TRIM2: variants seen among roughly 807,000 people sequenced by gnomAD.
TRIM2 encodes tripartite motif containing 2.
TRIM2 carries 20 observed loss-of-function variants against 75.2 expected under a neutral mutation model. That is an observed-to-expected ratio of 0.27 (90% confidence interval 0.19 to 0.39). The LOEUF is 0.39. Ranked by LOEUF, TRIM2 falls within the 10% of genes least tolerant of loss-of-function variation. The pLI is 1.00. For missense variants in TRIM2, 660 were observed against 990.8 expected, an observed-to-expected ratio of 0.67 and a Z score of 4.48; for synonymous variants, 373 against 388.3, an observed-to-expected ratio of 0.96 and a Z score of 0.46.
chr4:153,168,675 T>C (rs892545129), intron 1 of TRIM2, among the ~76,000 whole-genome samples: 8 of 148,474 alleles, frequency 5.4e-5, no homozygotes, highest in African/African-American at 2.0e-4. Context: ...GTCAAAGAAG[T>C]TTTTCTGAAA....
chr4:153,251,267 G>C (rs529996727), intron 1 of TRIM2, among the ~76,000 whole-genome samples: 2 of 152,274 alleles, frequency 1.3e-5, no homozygotes, highest in Admixed American at 1.3e-4. Flanking sequence ...AGAGGAAGGG[G>C]CTCGGCCTCT....
At chr4:153,183,607 A>G (rs1732291123) in intron 1 of TRIM2, among the ~76,000 whole-genome samples, 1 of 152,194 alleles carries the variant, frequency 6.6e-6, no homozygotes, top group Non-Finnish European at 1.5e-5. Context: ...TAATATCCCC[A>G]GGCATGGTTG....
chr4:153,168,659 G>A (rs1216282669), intron 1 of TRIM2, among the ~76,000 whole-genome samples: 1 of 150,830 alleles, frequency 6.6e-6, no homozygotes, highest in Non-Finnish European at 1.5e-5. Flanking sequence ...GAGGAGGCAA[G>A]GGAGTGTCAA....
At chr4:153,170,546 C>T (rs901063110) in intron 1 of TRIM2, among the ~76,000 whole-genome samples, 2 of 152,092 alleles carry the variant, frequency 1.3e-5, no homozygotes, top group Admixed American at 6.6e-5. Flanking sequence ...CCACAGCAAC[C>T]CCCAAACACA....
intron 3 of TRIM2, among the ~76,000 whole-genome samples, chr4:153,283,092 G>A (rs4696454): frequency 0.4 from 61,570 of 152,054 alleles, 14,970 homozygotes; most frequent in African/African-American, 0.69. Flanking sequence ...TCAACCATTT[G>A]GAAAAGCACA....
chr4:153,292,425 C>T (rs4696455), intron 3 of TRIM2, among the ~76,000 whole-genome samples: 10 of 152,020 alleles, frequency 6.6e-5, no homozygotes, highest in South Asian at 6.2e-4. Context: ...AATTTTTATC[C>T]GTTCTAATTT....
chr4:153,324,729 G>C (rs752222011), intron 10 of TRIM2, among the ~76,000 whole-genome samples: 7 of 152,108 alleles, frequency 4.6e-5, no homozygotes, highest in Admixed American at 6.6e-5. Flanking sequence ...ATAATAAAAT[G>C]GTTCAAAACA....
chr4:153,169,327 C>T (rs1035616310), intron 1 of TRIM2, among the ~76,000 whole-genome samples: 1 of 152,158 alleles, frequency 6.6e-6, no homozygotes, highest in South Asian at 2.1e-4. Flanking sequence ...CCTCAGAAAA[C>T]TTAGACTCCC....
chr4:153,210,620 AT>A, intron 1 of TRIM2, among the ~76,000 whole-genome samples: 1 of 152,226 alleles, frequency 6.6e-6, no homozygotes, highest in Non-Finnish European at 1.5e-5. Flanking sequence ...TTGATTCTTG[AT>A]TTGTGCTCTT....
Position 153,170,427 on chromosome 4 carries a change from C to A in TRIM2, c.-49+17157C>A, listed in dbSNP as rs916244446. ...CCTGGTGAGCTTCAGGCTGATGGTGCAGGGCATTGTGGCTATAAAAGGGGT... is the reference window on the plus strand; with the variant it reads ...CCTGGTGAGCTTCAGGCTGATGGTGAAGGGCATTGTGGCTATAAAAGGGGT... On this transcript the variant is annotated intron_variant, in intron 1 of 11. Transcript: ENST00000437508. 2.0e-5 allele frequency among the ~76,000 whole-genome samples: 3 copies of A among 152,130 alleles called. No homozygotes were observed. In the South Asian group the frequency reaches 6.2e-4, roughly 32 times the overall value.
At chr4:153,282,792 A>AT (rs375987344) in intron 3 of TRIM2, among the ~76,000 whole-genome samples, 12 of 146,950 alleles carry the variant, frequency 8.2e-5, no homozygotes, top group Admixed American at 1.4e-4. Context: ...TTTATTTTTA[A>AT]TTTTTTTTTT....
chr4:153,155,843 G>A (rs1729182371), intron 1 of TRIM2, among the ~76,000 whole-genome samples: 1 of 152,210 alleles, frequency 6.6e-6, no homozygotes, highest in Admixed American at 6.5e-5. Context: ...ACTAGGTAGA[G>A]AAACGTTGGT....
upstream of TRIM2, among the ~76,000 whole-genome samples, chr4:153,152,908 T>C (rs1728857396): frequency 6.6e-6 from 1 of 152,174 alleles, no homozygotes; most frequent in African/African-American, 2.4e-5. Flanking sequence ...CTCTGGAGAA[T>C]TCCTAGGTCA....
At chr4:153,260,079 G>A (rs1209284677) in intron 1 of TRIM2, among the ~76,000 whole-genome samples, 1 of 152,186 alleles carries the variant, frequency 6.6e-6, no homozygotes, top group African/African-American at 2.4e-5. Context: ...GGAGCAAACA[G>A]GAGGTTCCTA....
At chr4:153,275,853 C>A (rs1357356266) in intron 2 of TRIM2, 40 bp from the exon 3 acceptor site, 2 of 1,573,530 alleles carry the variant, frequency 1.3e-6, no homozygotes, top group Admixed American at 1.7e-5. Flanking sequence ...AGTGGAGGTT[C>A]TGCACTGTGC....
At chr4:153,193,352 C>T (rs1460987571) in intron 1 of TRIM2, among the ~76,000 whole-genome samples, 1 of 151,928 alleles carries the variant, frequency 6.6e-6, no homozygotes, top group African/African-American at 2.4e-5. Context: ...AGGATGGTCT[C>T]GATCTCCTGA....
intron 1 of TRIM2, among the ~76,000 whole-genome samples, chr4:153,269,756 A>C (rs542518256): frequency 6.6e-5 from 10 of 152,254 alleles, no homozygotes; most frequent in East Asian, 5.8e-4. Context: ...CTCTTTGTAC[A>C]ACATGCCCTC....
intron 3 of TRIM2, among the ~76,000 whole-genome samples, chr4:153,281,472 A>C (rs1313595233): frequency 6.6e-6 from 1 of 152,234 alleles, no homozygotes; most frequent in Non-Finnish European, 1.5e-5. Context: ...TAGATTGTAG[A>C]AGTTCACTGC....
intron 3 of TRIM2, among the ~76,000 whole-genome samples, chr4:153,291,265 C>T (rs566605704): frequency 1.8e-4 from 27 of 152,274 alleles, no homozygotes; most frequent in African/African-American, 6.0e-4. Flanking sequence ...CCAGAAAGCA[C>T]TATGTAACAT....
Sources: gnomAD v4.1 joint callset for allele counts (sites outside exome capture counted in the v4.1 genomes callset) on GRCh38, gnomAD v4.1.1 for gene constraint, MANE v1.5 for transcripts, NCBI Gene and HGNC (gene_info 2026-07-23, HGNC 2026-07-21) for gene names.